Variants in AGBL4 observed in about 807,000 individuals in gnomAD.
The protein encoded by AGBL4 is AGBL carboxypeptidase 4.
In AGBL4, 58 loss-of-function variants were observed where a neutral mutation model predicts 66.4. That is an observed-to-expected ratio of 0.87 (90% CI 0.71 to 1.09). The LOEUF (loss-of-function observed/expected upper bound fraction) is 1.09, where lower values mean the gene tolerates loss of function less well. Among genes scored for constraint, AGBL4 ranks in the 50% least tolerant of loss-of-function variants. The probability of loss-of-function intolerance (pLI) is 0.00; values close to 1 mark genes in which losing one functional copy is unlikely to be tolerated. For missense variants in AGBL4, 579 were observed against 631.0 expected (o/e 0.92, Z 0.88); for synonymous variants, 234 against 222.9 (o/e 1.05, Z -0.44).
intron 6 of AGBL4, among the ~76,000 whole-genome samples, chr1:48,862,375 C>G (rs1405898904): frequency 6.6e-6 from 1 of 152,174 alleles, no homozygotes; most frequent in Non-Finnish European, 1.5e-5. Flanking sequence ...CTTTGTCATT[C>G]AGGCTGGGTG....
At chr1:48,646,566 A>G (rs1645840553) in intron 8 of AGBL4, among the ~76,000 whole-genome samples, 1 of 124,838 alleles carries the variant, frequency 8.0e-6, no homozygotes, top group South Asian at 2.7e-4. Context: ...CTGGTGCTGG[A>G]AATACCTTCC....
At chr1:49,365,314 C>A (rs1358484702) in intron 3 of AGBL4, among the ~76,000 whole-genome samples, 2 of 152,002 alleles carry the variant, frequency 1.3e-5, no homozygotes, top group African/African-American at 4.8e-5. Flanking sequence ...TCAGTTCGAA[C>A]TTCTAGGCCT....
At chr1:49,637,230 T>C (rs1645692074) in intron 3 of AGBL4, among the ~76,000 whole-genome samples, 1 of 152,220 alleles carries the variant, frequency 6.6e-6, no homozygotes, top group Non-Finnish European at 1.5e-5. Context: ...ATATGTCTTA[T>C]TAGTTCTGTT....
chr1:48,642,129 C>T (rs1173625619), intron 8 of AGBL4, among the ~76,000 whole-genome samples: 1 of 152,162 alleles, frequency 6.6e-6, no homozygotes, highest in African/African-American at 2.4e-5. Flanking sequence ...CCCTTGACCA[C>T]TGAACATTTG....
At chr1:48,536,692 C>G (rs1569663379) in intron 12 of AGBL4, among the ~76,000 whole-genome samples, 2 of 152,230 alleles carry the variant, frequency 1.3e-5, no homozygotes, top group African/African-American at 4.8e-5. Context: ...GCCCTGCCAG[C>G]CTGTGACTAA....
chr1:48,976,196 G>GGGTT (rs1439686274), intron 5 of AGBL4, among the ~76,000 whole-genome samples: 2 of 152,092 alleles, frequency 1.3e-5, no homozygotes, highest in African/African-American at 4.8e-5. Context: ...ACTGCAGAGG[G>GGGTT]GGTTCCCAAA....
intron 5 of AGBL4, among the ~76,000 whole-genome samples, chr1:48,913,495 G>A (rs1653323842): frequency 6.6e-6 from 1 of 152,136 alleles, no homozygotes; most frequent in Non-Finnish European, 1.5e-5. Flanking sequence ...CCTCCTGTCA[G>A]ATCAACAGCA....
At chr1:49,926,324 C>T (rs945141648) in intron 1 of AGBL4, among the ~76,000 whole-genome samples, 20 of 152,320 alleles carry the variant, frequency 1.3e-4, no homozygotes, top group African/African-American at 4.6e-4. Flanking sequence ...CATTACTAGG[C>T]TTGGGGTACC....
intron 1 of AGBL4, among the ~76,000 whole-genome samples, chr1:49,919,296 G>A (rs1651941091): frequency 6.6e-6 from 1 of 152,098 alleles, no homozygotes; most frequent in African/African-American, 2.4e-5. Context: ...AGTCACATTG[G>A]CCCTGTTTGC....
At chr1:49,009,865 G>C (rs545881280) in intron 5 of AGBL4, among the ~76,000 whole-genome samples, 2 of 152,106 alleles carry the variant, frequency 1.3e-5, no homozygotes, top group African/African-American at 4.8e-5. Context: ...ATTAGGTATT[G>C]ATGGGACATA....
chr1:49,507,841 T>C (rs557797639), intron 3 of AGBL4, among the ~76,000 whole-genome samples: 32 of 151,894 alleles, frequency 2.1e-4, no homozygotes, highest in Non-Finnish European at 3.1e-4. Flanking sequence ...CTGGGAAATA[T>C]GATTTTCAGA....
intron 4 of AGBL4, among the ~76,000 whole-genome samples, chr1:49,232,073 G>T (rs568762142): frequency 2.2e-4 from 34 of 152,198 alleles, no homozygotes; most frequent in Non-Finnish European, 4.1e-4. Context: ...ATTCTGGGAG[G>T]TTGGGTAAGT....
intron 5 of AGBL4, among the ~76,000 whole-genome samples, chr1:48,984,258 A>G (rs1384333941): frequency 6.6e-6 from 1 of 151,786 alleles, no homozygotes; most frequent in African/African-American, 2.4e-5. Flanking sequence ...AGATGTGGAA[A>G]CTAATGTTTA....
At chr1:49,460,567 T>C (rs921064441) in intron 3 of AGBL4, among the ~76,000 whole-genome samples, 2 of 151,674 alleles carry the variant, frequency 1.3e-5, no homozygotes, top group South Asian at 2.1e-4. Flanking sequence ...GGCATTTTAA[T>C]TGAAGCATGT....
intron 5 of AGBL4, among the ~76,000 whole-genome samples, chr1:48,884,688 A>G (rs1327147832): frequency 6.6e-6 from 1 of 152,204 alleles, no homozygotes. Flanking sequence ...TCTGCATATT[A>G]TATCCCTAAA....
intron 3 of AGBL4, among the ~76,000 whole-genome samples, chr1:49,455,769 C>A (rs774544202): frequency 6.8e-4 from 103 of 151,766 alleles, no homozygotes; most frequent in Non-Finnish European, 1.3e-3. Flanking sequence ...GTCTCTTATA[C>A]CTCATCTCCT....
chr1:48,706,483 CT>C (rs1646882006), intron 6 of AGBL4, among the ~76,000 whole-genome samples: 2 of 151,776 alleles, frequency 1.3e-5, no homozygotes, highest in Admixed American at 1.3e-4. Flanking sequence ...AATCACTTTT[CT>C]AAAAAATATT....
downstream of AGBL4, among the ~76,000 whole-genome samples, chr1:48,528,098 A>G (rs1293031053): frequency 6.6e-6 from 1 of 152,168 alleles, no homozygotes; most frequent in African/African-American, 2.4e-5. Context: ...TTATTGTCCC[A>G]TTTTAGAGAT....
At chr1:49,938,144 T>TA (rs1439729510) in intron 1 of AGBL4, among the ~76,000 whole-genome samples, 3 of 149,534 alleles carry the variant, frequency 2.0e-5, no homozygotes, top group Admixed American at 6.7e-5. Flanking sequence ...ATAGATGCAA[T>TA]AAAAAATGAT....
Sources: gnomAD v4.1 joint callset for allele counts (sites outside exome capture counted in the v4.1 genomes callset) on GRCh38, gnomAD v4.1.1 for gene constraint, MANE v1.5 for transcripts, NCBI Gene and HGNC (gene_info 2026-07-23, HGNC 2026-07-21) for gene names.